EHMT1: variants seen among roughly 807,000 people sequenced by gnomAD.
EHMT1 encodes histone-lysine N-methyltransferase EHMT1.
A neutral mutation model predicts 147.2 loss-of-function variants in EHMT1; 15 were observed. The ratio of observed to expected loss-of-function variants is 0.10; its 90% CI spans 0.07 to 0.16. EHMT1 has a LOEUF of 0.16. Ranked by LOEUF, EHMT1 falls within the 10% of genes least tolerant of loss-of-function variation. The probability of loss-of-function intolerance (pLI) is 1.00; values close to 1 mark genes in which losing one functional copy is unlikely to be tolerated. For synonymous variants in EHMT1, 795 were observed against 709.6 expected (o/e 1.12, Z -1.91); for missense variants, 1,587 against 1,772.4 (o/e 0.90, Z 1.88).
At chr9:137,814,056 G>GCCCCCC (rs71387862) in intron 21 of EHMT1, among the ~76,000 whole-genome samples, 29 of 50,058 alleles carry the variant, frequency 5.8e-4, no homozygotes, top group Non-Finnish European at 6.3e-4. Flanking sequence ...CACTGCCCAG[G>GCCCCCC]CCCCCCCCCC....
chr9:137,626,040 T>TC (rs976287970), intron 1 of EHMT1, among the ~76,000 whole-genome samples: 2 of 150,496 alleles, frequency 1.3e-5, no homozygotes, highest in African/African-American at 4.9e-5. Flanking sequence ...TTTTTTTTTT[T>TC]TTTTTTAGTA....
intron 9 of EHMT1, among the ~76,000 whole-genome samples, chr9:137,760,001 G>A (rs1275468646): frequency 1.3e-5 from 2 of 152,176 alleles, no homozygotes; most frequent in Non-Finnish European, 2.9e-5. Flanking sequence ...GTATGCATTC[G>A]TCTCTTTCCC....
At chr9:137,745,464 TATATG>T (rs1419981461) in intron 6 of EHMT1, 2 of 398,516 alleles carry the variant, frequency 5.0e-6, no homozygotes, top group African/African-American at 2.1e-5. Context: ...TTTCTCCTCT[TATATG>T]AAGAAGCATG....
chr9:137,678,687 C>T (rs933984380), intron 1 of EHMT1, among the ~76,000 whole-genome samples: 35 of 151,760 alleles, frequency 2.3e-4, no homozygotes, highest in African/African-American at 6.3e-4. Flanking sequence ...ATAAATCAGG[C>T]ACAGTAAAAG....
chr9:137,803,308 C>T (rs952192706), intron 18 of EHMT1: 5 of 996,220 alleles, frequency 5.0e-6, no homozygotes, highest in Admixed American at 6.0e-5. Flanking sequence ...TTGTTGCTGT[C>T]GGAAGAGTGA....
At chr9:137,673,199 G>A (rs1236143358) in intron 1 of EHMT1, among the ~76,000 whole-genome samples, 1 of 152,186 alleles carries the variant, frequency 6.6e-6, no homozygotes, top group Non-Finnish European at 1.5e-5. Flanking sequence ...CCCAGCAGGT[G>A]TTTATTGAGC....
In EHMT1 at chr9:137,834,978, C is replaced by T. The variant is rs1956502123; in HGVS notation, c.*25C>T. On this transcript the variant is annotated 3_prime_UTR_variant, in exon 27 of 27. Transcript: ENST00000460843. ...AGACGCCGCCGGCCAGCGGGGCGCT[C>T]GGGAGCCAGGGACCGCCGCGTCGCC... The T allele has an allele frequency of 2.9e-6, 4 of 1,386,028 alleles. No individual in the cohort carries two copies. The highest frequency in any genetic ancestry group is 3.7e-6 in the Non-Finnish European group (4 of 1,078,202). The allele number at this position is 1,386,028 out of a possible 1,614,324, so 85.9% of individuals were successfully genotyped here. A position where few individuals can be genotyped will look rare whatever the true frequency, so the allele number is the denominator to read the frequency against.
At chr9:137,763,224 C>T (rs72766947) in intron 10 of EHMT1, 26,428 of 375,010 alleles carry the variant, frequency 0.07, 1,141 homozygotes, top group Middle Eastern at 0.16. Context: ...GGCCGGGCCT[C>T]GGCCACCTCC....
At chr9:137,788,682 G>A (rs1016514962) in intron 15 of EHMT1, 2 of 152,190 alleles carry the variant, frequency 1.3e-5, no homozygotes, top group African/African-American at 2.4e-5. Context: ...GAGTCGCTGC[G>A]GGCCCAATGC....
chr9:137,662,332 G>A (rs902812282), intron 1 of EHMT1, among the ~76,000 whole-genome samples: 2 of 151,874 alleles, frequency 1.3e-5, no homozygotes, highest in Non-Finnish European at 2.9e-5. Context: ...TGAGTAGCTG[G>A]GACTACAGGC....
chr9:137,769,067 A>C (rs1336028829), intron 10 of EHMT1, among the ~76,000 whole-genome samples: 1 of 152,142 alleles, frequency 6.6e-6, no homozygotes, highest in Non-Finnish European at 1.5e-5. Context: ...ACTTTTTTCT[A>C]ATGTTTTGAA....
intron 4 of EHMT1, chr9:137,742,988 A>C: frequency 9.6e-6 from 3 of 313,840 alleles, no homozygotes; most frequent in Non-Finnish European, 1.8e-5. Context: ...CTGTTTTGCA[A>C]AGTGAGAGGA....
chr9:137,798,675 C>T (rs1953171434), intron 16 of EHMT1, 138 bp from the exon 17 acceptor site: 1 of 773,194 alleles, frequency 1.3e-6, no homozygotes. Flanking sequence ...CGGCCTCAGC[C>T]TGGGTTTCCT....
chr9:137,776,677 T>C lies in EHMT1; in HGVS notation c.1851T>C (p.Cys617=). 1 of 1,614,170 alleles carries C rather than the reference T, an allele frequency of 6.2e-7. No homozygotes were observed. Among genetic ancestry groups the C allele is most frequent in the Non-Finnish European group, 8.5e-7 (1 of 1,180,028 alleles). The change falls in exon 12 of 27, where the codon TGT becomes TGC. Residue 617 remains cysteine (C), a synonymous_variant. Transcript: ENST00000460843. This position sits in a 1 kb window ranked among gnomAD's most constrained non-coding sequence, Gnocchi z 4.4. ...SSISHRFHKD[C]ASRVNNASYC... Reference sequence around the variant, plus strand: ...TCTCTCACCGTTTCCACAAAGACTGTGCCTCTCGAGTCAATAACGCCAGCT... The same window carrying C: ...TCTCTCACCGTTTCCACAAAGACTGCGCCTCTCGAGTCAATAACGCCAGCT...
intron 1 of EHMT1, among the ~76,000 whole-genome samples, chr9:137,678,396 A>G (rs1269982169): frequency 4.6e-5 from 7 of 152,176 alleles, no homozygotes; most frequent in African/African-American, 1.7e-4. Context: ...TTTCGTAGAT[A>G]TCCTTTATCA....
intron 16 of EHMT1, among the ~76,000 whole-genome samples, chr9:137,797,544 C>T (rs1953064399): frequency 6.6e-6 from 1 of 152,200 alleles, no homozygotes; most frequent in African/African-American, 2.4e-5. Context: ...TTGTCAGCTG[C>T]ACTATTCCAG....
At chr9:137,701,974 A>G (rs1480692402) in intron 1 of EHMT1, among the ~76,000 whole-genome samples, 5 of 152,080 alleles carry the variant, frequency 3.3e-5, no homozygotes, top group African/African-American at 4.8e-5. Context: ...TTGTATTTTT[A>G]GTAGAAACGG....
chr9:137,825,847 C>T (rs1955776894), intron 25 of EHMT1, among the ~76,000 whole-genome samples: 1 of 152,108 alleles, frequency 6.6e-6, no homozygotes. Flanking sequence ...GGCGGGGCTG[C>T]CCAGTGTCAG....
intron 10 of EHMT1, among the ~76,000 whole-genome samples, chr9:137,773,602 G>A (rs982188399): frequency 6.6e-6 from 1 of 152,154 alleles, no homozygotes; most frequent in Non-Finnish European, 1.5e-5. Context: ...ACATGTTTGT[G>A]CACTTAATTA....
Sources: gnomAD v4.1 joint callset for allele counts (sites outside exome capture counted in the v4.1 genomes callset) on GRCh38, gnomAD v4.1.1 for gene constraint, Gnocchi (gnomAD v3.1) non-coding constraint, MANE v1.5 for transcripts, NCBI Gene and HGNC (gene_info 2026-07-23, HGNC 2026-07-21) for gene names.